The following MCUB variants were observed in gnomAD, a reference collection of about 807,000 sequenced individuals.
MCUB encodes mitochondrial calcium uniporter dominant negative subunit beta, also known as calcium uniporter regulatory subunit MCUb, mitochondrial.
A neutral mutation model predicts 41.4 loss-of-function variants in MCUB; 46 were observed. That is an observed-to-expected ratio of 1.11 (90% CI 0.88 to 1.42). MCUB has a LOEUF of 1.42. Among genes scored for constraint, MCUB ranks in the 40% most tolerant of loss-of-function variants. MCUB has a pLI of 0.00. For synonymous variants in MCUB, 148 were observed against 148.2 expected (o/e 1.00, Z 0.01); for missense variants, 403 against 404.9 (o/e 1.00, Z 0.04).
At chr4:109,664,719 G>A (rs1221668027) in intron 4 of MCUB, among the ~76,000 whole-genome samples, 2 of 152,124 alleles carry the variant, frequency 1.3e-5, no homozygotes, top group Admixed American at 6.5e-5. Flanking sequence ...TTTATCAGAT[G>A]ACCAAGAAGT....
chr4:109,616,329 ATGTATACT>A, intron 1 of MCUB, among the ~76,000 whole-genome samples: 1 of 152,276 alleles, frequency 6.6e-6, no homozygotes, highest in South Asian at 2.1e-4. Context: ...TGCCTTTATT[ATGTATACT>A]GTCCTGACTA....
At chr4:109,685,781 C>T (rs1729825443) in intron 7 of MCUB, among the ~76,000 whole-genome samples, 1 of 152,196 alleles carries the variant, frequency 6.6e-6, no homozygotes, top group Non-Finnish European at 1.5e-5. Context: ...CTGAAAGGCA[C>T]TTACTCAGGT....
intron 3 of MCUB, among the ~76,000 whole-genome samples, chr4:109,661,127 A>G (rs143799337): frequency 4.5e-4 from 69 of 152,338 alleles, no homozygotes; most frequent in Non-Finnish European, 7.2e-4. Context: ...TAGGAAGAAT[A>G]TACATTTTTT....
chr4:109,592,409 CAA>C (rs1049292419), intron 1 of MCUB, among the ~76,000 whole-genome samples: 1 of 128,102 alleles, frequency 7.8e-6, no homozygotes, highest in Non-Finnish European at 1.7e-5. Flanking sequence ...GACTCTGTCT[CAA>C]AAAAAAAAAA....
At chr4:109,583,243 C>T (rs1299476855) in intron 1 of MCUB, among the ~76,000 whole-genome samples, 2 of 152,002 alleles carry the variant, frequency 1.3e-5, no homozygotes, top group Non-Finnish European at 2.9e-5. Context: ...TTTTGTTGAG[C>T]CGTGGTTTGT....
At chr4:109,597,432 C>T (rs1253044579) in intron 1 of MCUB, among the ~76,000 whole-genome samples, 6 of 141,718 alleles carry the variant, frequency 4.2e-5, no homozygotes, top group South Asian at 2.3e-4. Flanking sequence ...ACCTCCCTCC[C>T]GGACGGGGCG....
intron 1 of MCUB, among the ~76,000 whole-genome samples, chr4:109,651,782 A>C (rs1728966654): frequency 6.6e-6 from 1 of 151,890 alleles, no homozygotes; most frequent in African/African-American, 2.4e-5. Flanking sequence ...TTCTTGATAT[A>C]TTTTTTTCTT....
intron 1 of MCUB, among the ~76,000 whole-genome samples, chr4:109,591,185 C>CT (rs111954864): frequency 0.036 from 5,029 of 141,244 alleles, 184 homozygotes; most frequent in African/African-American, 0.087. Flanking sequence ...TGTTAAAATT[C>CT]TTTTTTTTTT....
At chr4:109,580,208 C>T (rs974699448) in intron 1 of MCUB, among the ~76,000 whole-genome samples, 2 of 152,206 alleles carry the variant, frequency 1.3e-5, no homozygotes, top group Non-Finnish European at 1.5e-5. Context: ...AGGACATGAA[C>T]TCATCCTTTT....
At chr4:109,637,908 T>C (rs1728630328) in intron 1 of MCUB, among the ~76,000 whole-genome samples, 1 of 152,194 alleles carries the variant, frequency 6.6e-6, no homozygotes, top group African/African-American at 2.4e-5. Context: ...TATAATTAAG[T>C]AAATTTTTAA....
At chr4:109,588,766 G>A (rs751542083) in intron 1 of MCUB, among the ~76,000 whole-genome samples, 8 of 152,160 alleles carry the variant, frequency 5.3e-5, no homozygotes, top group Non-Finnish European at 1.0e-4. Context: ...AAGAAGACAA[G>A]GGCCAAGTTT....
Position 109,606,856 on chromosome 4 carries a change from C to T in MCUB, c.99+46420C>T, listed in dbSNP as rs536947416. Among the ~76,000 whole-genome samples the T allele has an allele frequency of 4.6e-5, 7 of 152,122 alleles. No individual in the cohort carries two copies. The South Asian group carries it at 1.5e-3, about 32-fold the overall frequency. On this transcript the variant is annotated intron_variant, in intron 1 of 7. Transcript: ENST00000394650. ...CTGCCTCCTGGATTCAAGCAATTCT[C>T]CTGCCTCAGCCTCCTGAGTAGCTGG...
intron 1 of MCUB, among the ~76,000 whole-genome samples, chr4:109,615,233 TAGTG>T (rs1728098761): frequency 1.3e-5 from 2 of 152,014 alleles, no homozygotes; most frequent in African/African-American, 4.8e-5. Context: ...AAAGTTAACT[TAGTG>T]AGGTTGAGCC....
intron 1 of MCUB, 151 bp from the exon 2 acceptor site, chr4:109,658,860 C>T (rs1729163395): frequency 1.6e-6 from 1 of 619,858 alleles, no homozygotes; most frequent in Admixed American, 2.6e-5. Flanking sequence ...AGTGAGCTTG[C>T]CAAGGGCTCA....
chr4:109,630,563 T>C (rs556259708), intron 1 of MCUB, among the ~76,000 whole-genome samples: 1 of 143,552 alleles, frequency 7.0e-6, no homozygotes, highest in East Asian at 2.1e-4. Context: ...GCTGCAAAAT[T>C]CTGTTTTTTG....
At chr4:109,684,699 C>T in intron 6 of MCUB, 53 bp downstream of exon 6, 2 of 842,044 alleles carry the variant, frequency 2.4e-6, no homozygotes. Flanking sequence ...CAAAGAATGT[C>T]TTATCTAAGC....
chr4:109,566,760 A>G (rs1482548223), intron 1 of MCUB, among the ~76,000 whole-genome samples: 1 of 152,222 alleles, frequency 6.6e-6, no homozygotes, highest in Non-Finnish European at 1.5e-5. Flanking sequence ...AGCTAAGTTC[A>G]CAGAGCTAAG....
At chr4:109,645,837 C>G (rs149757265) in intron 1 of MCUB, among the ~76,000 whole-genome samples, 2 of 152,300 alleles carry the variant, frequency 1.3e-5, no homozygotes, top group East Asian at 1.9e-4. Flanking sequence ...AGGCCAGTCC[C>G]CCTGCTCAGA....
At chr4:109,664,212 G>C in intron 3 of MCUB, 78 bp from the exon 4 acceptor site, 1 of 761,084 alleles carries the variant, frequency 1.3e-6, no homozygotes, top group Non-Finnish European at 2.4e-6. Flanking sequence ...ACCTGGGTTA[G>C]TAATTTTCTA....
Sources: gnomAD v4.1 joint callset for allele counts (sites outside exome capture counted in the v4.1 genomes callset) on GRCh38, gnomAD v4.1.1 for gene constraint, MANE v1.5 for transcripts, NCBI Gene and HGNC (gene_info 2026-07-23, HGNC 2026-07-21) for gene names.